The following CSMD1 variants were observed in gnomAD, a reference collection of about 807,000 sequenced individuals.
CSMD1 encodes CUB and sushi domain-containing protein 1.
A neutral mutation model predicts 417.5 loss-of-function variants in CSMD1; 213 were observed. That is an observed-to-expected ratio of 0.51 (90% CI 0.46 to 0.57). The LOEUF is 0.57. Ranked by LOEUF, CSMD1 falls within the 20% of genes least tolerant of loss-of-function variation. CSMD1 has a pLI of 0.00. For synonymous variants in CSMD1, 2,862 were observed against 1,736.8 expected, an observed-to-expected ratio of 1.65 and a Z score of -16.11; for missense variants, 6,923 against 4,529.7, an observed-to-expected ratio of 1.53 and a Z score of -15.17.
intron 1 of CSMD1, among the ~76,000 whole-genome samples, chr8:4,877,116 A>T (rs890774981): frequency 3.3e-5 from 5 of 152,128 alleles, no homozygotes; most frequent in African/African-American, 1.2e-4. Flanking sequence ...TAAAGATTTA[A>T]GTTTTTCTTT....
At chr8:3,980,787 C>G (rs569783541) in intron 5 of CSMD1, among the ~76,000 whole-genome samples, 8 of 152,332 alleles carry the variant, frequency 5.3e-5, no homozygotes, top group Non-Finnish European at 1.2e-4. Context: ...CTCACTTAGA[C>G]TGGGGATACA....
chr8:3,492,108 G>T (rs560603248), intron 11 of CSMD1, among the ~76,000 whole-genome samples: 2 of 152,308 alleles, frequency 1.3e-5, no homozygotes, highest in East Asian at 3.9e-4. Flanking sequence ...TCCAGCAAAG[G>T]CGTGTGTCTG....
rs117366750 is a variant in CSMD1, at chr8:2,940,474, G to C, written c.10536-1730C>G. The stretch of plus-strand genomic sequence containing the variant: ...TGACGACAGATTCCCCACCGACCCA[G>C]AGGAGGCATCACATTTACATAAAAA... On this transcript the variant is annotated intron_variant, in intron 69 of 69. Coordinates refer to ENST00000635120, the MANE Select transcript of CSMD1 (RefSeq NM_033225.6). Among the ~76,000 whole-genome samples, 1,059 of 152,278 alleles carry C rather than the reference G, an allele frequency of 7.0e-3. 11 individuals are homozygous for C. The highest frequency in any genetic ancestry group is 8.8e-3 in the Non-Finnish European group (602 of 68,030).
chr8:4,209,031 T>A (rs966961896), intron 3 of CSMD1, among the ~76,000 whole-genome samples: 2 of 152,184 alleles, frequency 1.3e-5, no homozygotes, highest in Non-Finnish European at 2.9e-5. Context: ...TCCAATTGTA[T>A]TCTCTCCTGT....
At chr8:3,835,123 C>G (rs1473407479) in intron 5 of CSMD1, among the ~76,000 whole-genome samples, 1 of 147,780 alleles carries the variant, frequency 6.8e-6, no homozygotes, top group Non-Finnish European at 1.5e-5. Flanking sequence ...GTTGGTGGGA[C>G]TGTAAACTAG....
chr8:4,521,543 G>C (rs1180919099), intron 2 of CSMD1, among the ~76,000 whole-genome samples: 1 of 152,124 alleles, frequency 6.6e-6, no homozygotes, highest in African/African-American at 2.4e-5. Flanking sequence ...TACTATAGCA[G>C]TGATACATGA....
intron 3 of CSMD1, among the ~76,000 whole-genome samples, chr8:4,094,878 TG>T (rs1334664115): frequency 6.6e-6 from 1 of 152,162 alleles, no homozygotes; most frequent in African/African-American, 2.4e-5. Context: ...ATATTGTGTA[TG>T]TTAAAAGACA....
chr8:4,768,053 A>G (rs1271806278), intron 1 of CSMD1, among the ~76,000 whole-genome samples: 1 of 152,176 alleles, frequency 6.6e-6, no homozygotes, highest in Non-Finnish European at 1.5e-5. Flanking sequence ...CTTCTTTTTA[A>G]TGTCTTCAGC....
intron 2 of CSMD1, among the ~76,000 whole-genome samples, chr8:4,464,903 G>T (rs754249014): frequency 6.6e-6 from 1 of 152,110 alleles, no homozygotes; most frequent in African/African-American, 2.4e-5. Context: ...AGTTTTATTA[G>T]CCTCTCCATT....
intron 2 of CSMD1, among the ~76,000 whole-genome samples, chr8:4,449,449 G>A (rs908884211): frequency 1.3e-5 from 2 of 151,930 alleles, no homozygotes; most frequent in South Asian, 2.1e-4. Flanking sequence ...CCCAATTTTT[G>A]TTGATAATTC....
chr8:3,866,203 G>A lies in CSMD1; in HGVS notation c.819-112161C>T, dbSNP rs920812771. On this transcript the variant is annotated intron_variant, in intron 5 of 69. Coordinates refer to ENST00000635120, the MANE Select transcript of CSMD1 (RefSeq NM_033225.6). The stretch of plus-strand genomic sequence containing the variant: ...ACACATCTAAGCCTAAATGAGTAAA[G>A]CATTATTCCTAATTCTAGTTTTGTT... Among the ~76,000 whole-genome samples, 6 of 152,198 alleles carry A rather than the reference G, an allele frequency of 3.9e-5. No individual in the cohort carries two copies. The East Asian group carries it at 1.2e-3, about 29-fold the overall frequency.
At chr8:3,840,703 T>G (rs1187037261) in intron 5 of CSMD1, among the ~76,000 whole-genome samples, 1 of 150,890 alleles carries the variant, frequency 6.6e-6, no homozygotes, top group African/African-American at 2.4e-5. Flanking sequence ...ATTTTTTTTT[T>G]TTTTTTGACA....
At chr8:3,424,272 G>A (rs1813681174) in intron 12 of CSMD1, among the ~76,000 whole-genome samples, 2 of 152,066 alleles carry the variant, frequency 1.3e-5, no homozygotes, top group African/African-American at 4.8e-5. Flanking sequence ...ATATTTCTTT[G>A]CAAAAGCCAG....
chr8:4,613,317 C>T (rs1057032267), intron 2 of CSMD1, among the ~76,000 whole-genome samples: 3 of 152,172 alleles, frequency 2.0e-5, no homozygotes, highest in African/African-American at 7.2e-5. Flanking sequence ...AGAGTAGACA[C>T]CACCGCAGGT....
At chr8:4,226,286 T>C (rs768527803) in intron 3 of CSMD1, among the ~76,000 whole-genome samples, 1 of 152,188 alleles carries the variant, frequency 6.6e-6, no homozygotes, top group Non-Finnish European at 1.5e-5. Context: ...GGTATTTGGA[T>C]AAAATAGTTG....
intron 3 of CSMD1, among the ~76,000 whole-genome samples, chr8:4,130,595 T>C (rs1390678262): frequency 3.3e-5 from 5 of 152,132 alleles, no homozygotes; most frequent in East Asian, 1.9e-4. Context: ...ACTTGCAAAA[T>C]TGTATTACGC....
At chr8:4,773,041 C>G (rs759821847) in intron 1 of CSMD1, among the ~76,000 whole-genome samples, 2 of 152,100 alleles carry the variant, frequency 1.3e-5, no homozygotes, top group Non-Finnish European at 2.9e-5. Flanking sequence ...TTGAATATCT[C>G]TTATCTGAAA....
At chr8:3,718,585 A>G (rs1801970566) in intron 6 of CSMD1, among the ~76,000 whole-genome samples, 1 of 152,230 alleles carries the variant, frequency 6.6e-6, no homozygotes, top group African/African-American at 2.4e-5. Context: ...CTAAATTAAA[A>G]GATAAATGTC....
At chr8:4,834,983 A>C (rs1563538142) in intron 1 of CSMD1, among the ~76,000 whole-genome samples, 1 of 32,868 alleles carries the variant, frequency 3.0e-5, no homozygotes, top group African/African-American at 5.3e-5. Context: ...AAAAAAAAGA[A>C]AGAAAGAAAG....
Sources: allele counts gnomAD v4.1 joint callset (sites outside exome capture counted in the v4.1 genomes callset), GRCh38; gene constraint gnomAD v4.1.1; transcripts MANE v1.5; gene names NCBI Gene and HGNC (gene_info 2026-07-23, HGNC 2026-07-21).